Variants in HOXA3 observed in about 807,000 individuals in gnomAD.
HOXA3 encodes the protein homeobox A3, also known as homeobox protein Hox-A3.
In HOXA3, 8 loss-of-function variants were observed where a neutral mutation model predicts 30.3. That is an observed-to-expected ratio of 0.26 (90% confidence interval 0.15 to 0.48). HOXA3 has a LOEUF of 0.48. Among genes scored for constraint, HOXA3 ranks in the 20% least tolerant of loss-of-function variants. The probability of loss-of-function intolerance (pLI) is 0.99; values close to 1 mark genes in which losing one functional copy is unlikely to be tolerated. For synonymous variants in HOXA3, 323 were observed against 273.1 expected, an observed-to-expected ratio of 1.18 and a Z score of -1.80; for missense variants, 653 against 614.4, an observed-to-expected ratio of 1.06 and a Z score of -0.66.
chr7:27,128,012 C>G lies in HOXA3; in HGVS notation c.-389-942G>C, dbSNP rs17449094. On this transcript the variant is annotated intron_variant, in intron 2 of 5. Transcript: ENST00000612286. ...CTTAAGAACAGCCAGGAAACAAAAA[C>G]TAATCTCAACCCTTTGCACAAACTA... Among the ~76,000 whole-genome samples the G allele has an allele frequency of 5.0e-4, 76 of 152,332 alleles. 4 individuals carry two copies. The East Asian group carries it at 0.013, about 26-fold the overall frequency.
chr7:27,128,751 G>A (rs1385418370), intron 2 of HOXA3: 1 of 181,120 alleles, frequency 5.5e-6, no homozygotes, highest in African/African-American at 2.4e-5. Flanking sequence ...AAATAATCTT[G>A]TGAGGTCCAC....
chr7:27,115,180 G>C lies in HOXA3; in HGVS notation c.-120-4420C>G, dbSNP rs2128044582. On this transcript the variant is annotated intron_variant, in intron 4 of 5. Coordinates refer to ENST00000612286, the MANE Select transcript of HOXA3 (RefSeq NM_153631.3). ...GTCAAGGAGCCAAAGTGTCACCTTAGAGCAAAAACAAAGCCAGGGGAAAAG... is the reference window on the plus strand; with the variant it reads ...GTCAAGGAGCCAAAGTGTCACCTTACAGCAAAAACAAAGCCAGGGGAAAAG... Among the ~76,000 whole-genome samples, 2 of 152,008 alleles carry C rather than the reference G, an allele frequency of 1.3e-5. 1 individual carries two copies. Among genetic ancestry groups the C allele is most frequent in the South Asian group, 4.2e-4 (2 of 4,802 alleles).
intron 1 of HOXA3, chr7:27,145,731 C>G (rs1782735361): frequency 1.2e-6 from 2 of 1,614,224 alleles, no homozygotes; most frequent in East Asian, 4.5e-5. Context: ...TTCCTTTTTC[C>G]ACTTCATGCG....
At chr7:27,114,827 A>ATT (rs1562714438) in intron 4 of HOXA3, among the ~76,000 whole-genome samples, 6 of 98,518 alleles carry the variant, frequency 6.1e-5, no homozygotes, top group African/African-American at 2.0e-4. Context: ...ATATATATAT[A>ATT]ATATATATTA....
chr7:27,143,299 G>A (rs1265547409), intron 1 of HOXA3: 5 of 1,602,002 alleles, frequency 3.1e-6, no homozygotes, highest in Non-Finnish European at 3.4e-6. Flanking sequence ...CCACGGCGGA[G>A]CAGGGCAGCG....
chr7:27,136,806 C>T, intron 2 of HOXA3, among the ~76,000 whole-genome samples: 1 of 152,156 alleles, frequency 6.6e-6, no homozygotes, highest in East Asian at 1.9e-4. Context: ...TTGTGAACAA[C>T]AACAAACAAA....
At chr7:27,139,546 G>A (rs892148524) in intron 2 of HOXA3, among the ~76,000 whole-genome samples, 9 of 152,244 alleles carry the variant, frequency 5.9e-5, no homozygotes, top group African/African-American at 2.2e-4. Context: ...GGCCCGCGAA[G>A]ACATATTGCC....
At chr7:27,122,514 T>A (rs1785067462) in intron 4 of HOXA3, 45 bp downstream of exon 4, 1 of 152,254 alleles carries the variant, frequency 6.6e-6, no homozygotes, top group Non-Finnish European at 1.5e-5. Context: ...CCAACCGCCC[T>A]GGTGCAAAGT....
intron 2 of HOXA3, chr7:27,130,171 T>G (rs1456534034): frequency 1.9e-6 from 3 of 1,596,954 alleles, no homozygotes; most frequent in Non-Finnish European, 2.6e-6. Flanking sequence ...CTCCTTGCCC[T>G]TCAGGCCCAG....
At chr7:27,125,388 G>A (rs1165390939) in intron 3 of HOXA3, among the ~76,000 whole-genome samples, 1 of 152,220 alleles carries the variant, frequency 6.6e-6, no homozygotes, top group Non-Finnish European at 1.5e-5. Flanking sequence ...AAGTAGGGCT[G>A]GCTTGAAAGG....
chr7:27,141,130 A>G (rs1782555195), intron 1 of HOXA3: 1 of 151,802 alleles, frequency 6.6e-6, no homozygotes, highest in South Asian at 2.1e-4. Context: ...AAAAAAAAAA[A>G]AAAAAAAGCT....
At chr7:27,124,815 T>C (rs528223200) in intron 3 of HOXA3, among the ~76,000 whole-genome samples, 1 of 152,274 alleles carries the variant, frequency 6.6e-6, no homozygotes, top group Non-Finnish European at 1.5e-5. Context: ...CGGGGCACAT[T>C]CATCCTTGCC....
chr7:27,113,156 A>G lies in HOXA3; in HGVS notation c.-120-2396T>C, dbSNP rs544707277. 6.6e-6 allele frequency among the ~76,000 whole-genome samples: 1 copy of G among 152,258 alleles called. No homozygotes were observed. The highest frequency in any genetic ancestry group is 1.9e-4 in the East Asian group (1 of 5,176). ...GCTGGGGATGAGGGGAGATTCCTCC[A>G]CAAAGATCTGTTTCTGGACAATAAT... On this transcript the variant is annotated intron_variant, in intron 4 of 5. Coordinates refer to ENST00000612286, the MANE Select transcript of HOXA3 (RefSeq NM_153631.3). This position sits in a 1 kb window ranked among gnomAD's most constrained non-coding sequence, Gnocchi z 4.8.
At chr7:27,130,010 T>C in intron 2 of HOXA3, 1 of 1,287,562 alleles carries the variant, frequency 7.8e-7, no homozygotes, top group Non-Finnish European at 1.1e-6. Context: ...AGATGGGGGC[T>C]CCCCTCCCGA....
chr7:27,107,743 A>G lies in HOXA3; in HGVS notation c.*172T>C, dbSNP rs948891829. On this transcript the variant is annotated 3_prime_UTR_variant, in exon 6 of 6. Coordinates refer to ENST00000612286, the MANE Select transcript of HOXA3 (RefSeq NM_153631.3). Reference sequence around the variant, plus strand: ...GATTGCTACGTCACATAAACTATAAAAACGCCTTACCAACGAGGGGGGAAA... The same window carrying G: ...GATTGCTACGTCACATAAACTATAAGAACGCCTTACCAACGAGGGGGGAAA... The G allele has an allele frequency of 2.0e-6, 1 of 510,422 alleles. No individual in the cohort carries two copies. The highest frequency in any genetic ancestry group is 1.9e-5 in the African/African-American group (1 of 51,684). 31.6% of individuals were successfully genotyped at this position (510,422 alleles called of 1,614,324 possible).
intron 4 of HOXA3, among the ~76,000 whole-genome samples, chr7:27,121,442 CAG>C (rs965809095): frequency 1.3e-5 from 2 of 152,258 alleles, no homozygotes; most frequent in Admixed American, 1.3e-4. Context: ...ATCATATACA[CAG>C]AGTTACAAAT....
chr7:27,134,789 T>G (rs1484948485), intron 2 of HOXA3, among the ~76,000 whole-genome samples: 1 of 152,248 alleles, frequency 6.6e-6, no homozygotes, highest in Admixed American at 6.5e-5. Context: ...ACTTTACCAC[T>G]GAACATACCT....
chr7:27,145,901 G>T, intron 1 of HOXA3: 2 of 1,612,546 alleles, frequency 1.2e-6, no homozygotes, highest in Non-Finnish European at 1.7e-6. Context: ...GGCGCCCATG[G>T]CTCCCATACA....
chr7:27,141,859 C>T (rs567073066), intron 1 of HOXA3: 1 of 1,614,046 alleles, frequency 6.2e-7, no homozygotes, highest in African/African-American at 1.3e-5. Flanking sequence ...CCCCTCCTGC[C>T]GCGGCCATGC....
Sources: allele counts gnomAD v4.1 joint callset (sites outside exome capture counted in the v4.1 genomes callset), GRCh38; gene constraint gnomAD v4.1.1; non-coding constraint Gnocchi (gnomAD v3.1); transcripts MANE v1.5; gene names NCBI Gene and HGNC (gene_info 2026-07-23, HGNC 2026-07-21).